ATL2: variants seen among roughly 807,000 people sequenced by gnomAD.
ATL2 encodes the protein atlastin GTPase 2.
In ATL2, 31 loss-of-function variants were observed where a neutral mutation model predicts 73.9. The observed-to-expected ratio is 0.42, with a 90% CI of 0.32 to 0.57. The LOEUF (loss-of-function observed/expected upper bound fraction) is 0.57. Among genes scored for constraint, ATL2 ranks in the 20% least tolerant of loss-of-function variants. The pLI, the probability that ATL2 is intolerant of heterozygous loss-of-function variation, is 0.14. For synonymous variants in ATL2, 291 were observed against 237.5 expected (o/e 1.23, Z -2.07); for missense variants, 738 against 702.6 (o/e 1.05, Z -0.57).
At chr2:38,363,676 C>G (rs1671139968) in intron 1 of ATL2, among the ~76,000 whole-genome samples, 1 of 152,158 alleles carries the variant, frequency 6.6e-6, no homozygotes, top group Non-Finnish European at 1.5e-5. Flanking sequence ...TCTCAGGACA[C>G]CTACTATCCA....
chr2:38,329,945 A>G (rs1021832119), intron 2 of ATL2, among the ~76,000 whole-genome samples: 14 of 152,128 alleles, frequency 9.2e-5, no homozygotes, highest in African/African-American at 2.9e-4. Context: ...GCTGGCCAAC[A>G]TGGCAAAACC....
At chr2:38,360,449 C>T (rs1163517547) in intron 1 of ATL2, among the ~76,000 whole-genome samples, 1 of 152,002 alleles carries the variant, frequency 6.6e-6, no homozygotes, top group Admixed American at 6.6e-5. Context: ...CCACAGTCAA[C>T]TAATTTAGTT....
chr2:38,330,371 CA>C (rs1426091059), intron 2 of ATL2, among the ~76,000 whole-genome samples: 2 of 152,092 alleles, frequency 1.3e-5, no homozygotes, highest in Non-Finnish European at 2.9e-5. Flanking sequence ...CATTATTTAT[CA>C]CTTGTACTCA....
intron 1 of ATL2, among the ~76,000 whole-genome samples, chr2:38,347,696 G>T (rs1237816177): frequency 6.6e-6 from 1 of 151,356 alleles, no homozygotes; most frequent in East Asian, 1.9e-4. Flanking sequence ...AGCCTAGCAG[G>T]TTCCTTGTAA....
intron 1 of ATL2, among the ~76,000 whole-genome samples, chr2:38,367,856 C>G (rs557553056): frequency 2.6e-5 from 4 of 151,392 alleles, no homozygotes; most frequent in Non-Finnish European, 5.9e-5. Context: ...TGGTCTCGAA[C>G]TTCTGACCTC....
At chr2:38,356,221 T>C (rs1009747123) in intron 1 of ATL2, among the ~76,000 whole-genome samples, 4 of 152,050 alleles carry the variant, frequency 2.6e-5, no homozygotes, top group Non-Finnish European at 5.9e-5. Flanking sequence ...CTTTTCTTTC[T>C]TTTTTCTTTT....
intron 2 of ATL2, among the ~76,000 whole-genome samples, chr2:38,333,021 A>G (rs6723880): frequency 0.42 from 64,206 of 151,922 alleles, 15,829 homozygotes; most frequent in African/African-American, 0.69. Flanking sequence ...GTGAGACTTG[A>G]TCTGAAAAGA....
intron 1 of ATL2, among the ~76,000 whole-genome samples, chr2:38,357,115 G>A (rs2124455322): frequency 6.6e-6 from 1 of 152,224 alleles, no homozygotes; most frequent in Non-Finnish European, 1.5e-5. Context: ...GGATCATGAG[G>A]TCAGGAGATC....
intron 2 of ATL2, among the ~76,000 whole-genome samples, chr2:38,327,379 G>A (rs1453473029): frequency 1.3e-5 from 2 of 151,958 alleles, no homozygotes; most frequent in African/African-American, 4.8e-5. Context: ...ATCTGAAAGT[G>A]GACTTAGCTT....
At chr2:38,359,555 CAA>C (rs1268301917) in intron 1 of ATL2, 1 of 150,756 alleles carries the variant, frequency 6.6e-6, no homozygotes, top group East Asian at 1.9e-4. Context: ...AATCAGGAAA[CAA>C]AGAGTTGTTT....
intron 10 of ATL2, among the ~76,000 whole-genome samples, chr2:38,299,837 C>A (rs190786467): frequency 1.3e-5 from 2 of 152,112 alleles, no homozygotes; most frequent in Non-Finnish European, 2.9e-5. Context: ...AAAAGACCAC[C>A]ATTTGAAAGA....
At chr2:38,370,269 G>A in intron 1 of ATL2, among the ~76,000 whole-genome samples, 1 of 143,082 alleles carries the variant, frequency 7.0e-6, no homozygotes. Context: ...TTTGAAACCA[G>A]CCTGGTCTGT....
At chr2:38,324,014 G>A (rs934002424) in intron 2 of ATL2, among the ~76,000 whole-genome samples, 103 of 152,280 alleles carry the variant, frequency 6.8e-4, no homozygotes, top group African/African-American at 2.4e-3. Context: ...GGTGGCTCAC[G>A]CCTGTAATCC....
At chr2:38,317,870 G>T (rs573284152) in intron 4 of ATL2, among the ~76,000 whole-genome samples, 1 of 151,976 alleles carries the variant, frequency 6.6e-6, no homozygotes, top group African/African-American at 2.4e-5. Flanking sequence ...TGCATCCTTT[G>T]TAACTATCCA....
At chr2:38,351,998 G>C (rs1457223100) in intron 1 of ATL2, among the ~76,000 whole-genome samples, 5 of 149,346 alleles carry the variant, frequency 3.3e-5, no homozygotes. Flanking sequence ...TGTAATCTCA[G>C]CTACTCGGGA....
intron 1 of ATL2, among the ~76,000 whole-genome samples, chr2:38,346,467 G>A (rs1240361435): frequency 6.6e-6 from 1 of 152,044 alleles, no homozygotes; most frequent in Non-Finnish European, 1.5e-5. Flanking sequence ...GCCTCTTTTG[G>A]TGCTATTCTT....
intron 1 of ATL2, among the ~76,000 whole-genome samples, chr2:38,375,635 G>GGAAA (rs563297140): frequency 6.6e-6 from 1 of 151,912 alleles, no homozygotes; most frequent in South Asian, 2.1e-4. Context: ...CTCAAAAAAA[G>GGAAA]GAAAGAAAGA....
At chr2:38,377,819 C>G (rs1280260602), upstream of ATL2, among the ~76,000 whole-genome samples, 1 of 149,608 alleles carries the variant, frequency 6.7e-6, no homozygotes, top group Non-Finnish European at 1.5e-5. Flanking sequence ...TCCTCTTGAT[C>G]TTTTCTTTCC....
intron 1 of ATL2, among the ~76,000 whole-genome samples, chr2:38,356,846 G>T (rs1670698031): frequency 6.6e-6 from 1 of 151,950 alleles, no homozygotes; most frequent in African/African-American, 2.4e-5. Flanking sequence ...TGTATGAACG[G>T]TCTATTCACA....
Sources: gnomAD v4.1 joint callset for allele counts (sites outside exome capture counted in the v4.1 genomes callset) on GRCh38, gnomAD v4.1.1 for gene constraint, MANE v1.5 for transcripts, NCBI Gene and HGNC (gene_info 2026-07-23, HGNC 2026-07-21) for gene names.